Variants in OTUD7A observed in about 807,000 individuals in gnomAD.
OTUD7A encodes OTU deubiquitinase 7A.
Under a neutral mutation model 65.7 loss-of-function variants are expected in OTUD7A, and 12 were observed. That is an observed-to-expected ratio of 0.18 (90% CI 0.12 to 0.30). OTUD7A has a LOEUF of 0.30. Among genes scored for constraint, OTUD7A ranks in the 10% least tolerant of loss-of-function variants. The pLI is 1.00. For synonymous variants in OTUD7A, 641 were observed against 586.3 expected, an observed-to-expected ratio of 1.09 and a Z score of -1.35; for missense variants, 1,148 against 1,304.8, an observed-to-expected ratio of 0.88 and a Z score of 1.85.
chr15:31,618,614 G>A (rs1890671287), intron 3 of OTUD7A, among the ~76,000 whole-genome samples: 1 of 152,032 alleles, frequency 6.6e-6, no homozygotes, highest in South Asian at 2.1e-4. Context: ...TTGCCCACTT[G>A]TTGATGGGGT....
At chr15:31,603,371 T>C (rs940774163) in intron 3 of OTUD7A, among the ~76,000 whole-genome samples, 1 of 152,180 alleles carries the variant, frequency 6.6e-6, no homozygotes. Flanking sequence ...TAAATAGTGT[T>C]GGGAAAACTG....
chr15:31,564,379 T>A (rs967443788), intron 4 of OTUD7A, among the ~76,000 whole-genome samples: 3 of 150,106 alleles, frequency 2.0e-5, no homozygotes, highest in Non-Finnish European at 4.4e-5. Context: ...AAGTAGTCTT[T>A]GAGGAAGGTT....
At chr15:31,589,159 A>AAC (rs1783632710) in intron 3 of OTUD7A, among the ~76,000 whole-genome samples, 1 of 152,222 alleles carries the variant, frequency 6.6e-6, no homozygotes, top group African/African-American at 2.4e-5. Context: ...ATACATATAC[A>AAC]TACACGCATA....
At chr15:31,496,547 T>A (rs1464631820) in intron 10 of OTUD7A, among the ~76,000 whole-genome samples, 1 of 152,246 alleles carries the variant, frequency 6.6e-6, no homozygotes, top group South Asian at 2.1e-4. Context: ...AACACAATTT[T>A]AAAATCAAGT....
At chr15:31,603,112 C>CA (rs531004905) in intron 3 of OTUD7A, among the ~76,000 whole-genome samples, 1 of 152,170 alleles carries the variant, frequency 6.6e-6, no homozygotes, top group South Asian at 2.1e-4. Context: ...CATATGGAAC[C>CA]AAAAAAGAGC....
Position 31,670,257 on chromosome 15 carries a change from C to G in OTUD7A, c.-99-13180G>C, listed in dbSNP as rs560654942. ...GAAATGAACACACACATGCATGTATCTTTATAACAGAATGATTTGTATTCC... is the reference window on the plus strand; with the variant it reads ...GAAATGAACACACACATGCATGTATGTTTATAACAGAATGATTTGTATTCC... On this transcript the variant is annotated intron_variant, in intron 1 of 12. Transcript: ENST00000307050. Among the ~76,000 whole-genome samples the G allele has an allele frequency of 4.6e-5, 7 of 152,002 alleles. No homozygotes were observed. The South Asian group carries it at 1.5e-3, about 32-fold the overall frequency.
At chr15:31,673,472 A>T (rs1475421325) in intron 1 of OTUD7A, among the ~76,000 whole-genome samples, 2 of 152,244 alleles carry the variant, frequency 1.3e-5, no homozygotes, top group Admixed American at 6.5e-5. Context: ...CACAGAGATT[A>T]TCTCATCCCT....
chr15:31,676,924 T>C (rs2141301186), intron 1 of OTUD7A, among the ~76,000 whole-genome samples: 1 of 152,310 alleles, frequency 6.6e-6, no homozygotes, highest in Middle Eastern at 3.4e-3. Context: ...GAGAAAAGTA[T>C]AGGTGAATAC....
intron 4 of OTUD7A, among the ~76,000 whole-genome samples, chr15:31,560,460 G>A (rs925384531): frequency 1.1e-4 from 16 of 152,232 alleles, no homozygotes; most frequent in Admixed American, 2.0e-4. Flanking sequence ...GAAAGTAGAT[G>A]TATCTTCTTG....
intron 1 of OTUD7A, among the ~76,000 whole-genome samples, chr15:31,828,874 GC>G (rs1896862541): frequency 6.6e-6 from 1 of 152,098 alleles, no homozygotes; most frequent in Non-Finnish European, 1.5e-5. Context: ...TAAGCCAGGG[GC>G]CAGAAGATGT....
chr15:31,553,603 T>A (rs2141150223), intron 5 of OTUD7A, among the ~76,000 whole-genome samples: 1 of 151,664 alleles, frequency 6.6e-6, no homozygotes, highest in Non-Finnish European at 1.5e-5. Flanking sequence ...GGGGTCTGCA[T>A]CTCCTCAGGC....
chr15:31,803,548 C>G (rs937150738), intron 1 of OTUD7A, among the ~76,000 whole-genome samples: 1 of 152,166 alleles, frequency 6.6e-6, no homozygotes, highest in African/African-American at 2.4e-5. Context: ...GGGAAGCACC[C>G]TTTTCAAGGC....
intron 5 of OTUD7A, among the ~76,000 whole-genome samples, chr15:31,552,912 G>A (rs1039445443): frequency 3.9e-5 from 6 of 152,214 alleles, no homozygotes; most frequent in African/African-American, 1.4e-4. Flanking sequence ...AGGTAGCTAG[G>A]AGGCCAATGG....
At chr15:31,798,796 G>C (rs1896041885) in intron 1 of OTUD7A, among the ~76,000 whole-genome samples, 1 of 152,214 alleles carries the variant, frequency 6.6e-6, no homozygotes, top group African/African-American at 2.4e-5. Flanking sequence ...AAGGAAGCCA[G>C]GGGGAGGCTC....
intron 3 of OTUD7A, among the ~76,000 whole-genome samples, chr15:31,592,072 G>T (rs560868199): frequency 6.6e-6 from 1 of 152,204 alleles, no homozygotes; most frequent in African/African-American, 2.4e-5. Context: ...CACTTACCAT[G>T]AATGGAGCTT....
chr15:31,593,509 T>C (rs1056359925), intron 3 of OTUD7A, among the ~76,000 whole-genome samples: 25 of 152,140 alleles, frequency 1.6e-4, no homozygotes, highest in African/African-American at 5.3e-4. Context: ...AATTGGCCTA[T>C]GTTTAAAACA....
In OTUD7A at chr15:31,509,285, CT is replaced by C. The variant is rs200370102; in HGVS notation, c.894-5468del. Among the ~76,000 whole-genome samples, 496 of 150,546 alleles carry C rather than the reference CT, an allele frequency of 3.3e-3. 1 individual carries two copies. Among genetic ancestry groups the C allele is most frequent in the Non-Finnish European group, 5.6e-3 (377 of 67,514 alleles). On this transcript the variant is annotated intron_variant, in intron 8 of 12. Coordinates refer to ENST00000307050, the MANE Select transcript of OTUD7A (RefSeq NM_001382637.1). ...ATTAATATTTTTAAATTTGTTTAAA[CT>C]TTTTTTTTTGGAGACGGAGTCTTGC...
intron 3 of OTUD7A, among the ~76,000 whole-genome samples, chr15:31,645,419 T>C (rs946104849): frequency 6.6e-6 from 1 of 152,208 alleles, no homozygotes; most frequent in Non-Finnish European, 1.5e-5. Flanking sequence ...ACATCACTTA[T>C]AATAAACCTG....
intron 1 of OTUD7A, among the ~76,000 whole-genome samples, chr15:31,821,405 A>G (rs1362274789): frequency 6.6e-6 from 1 of 150,834 alleles, no homozygotes; most frequent in Non-Finnish European, 1.5e-5. Context: ...CGGCCTCCCA[A>G]AGTGCTGAGA....
Sources: allele counts gnomAD v4.1 joint callset (sites outside exome capture counted in the v4.1 genomes callset), GRCh38; gene constraint gnomAD v4.1.1; transcripts MANE v1.5; gene names NCBI Gene and HGNC (gene_info 2026-07-23, HGNC 2026-07-21).